TMEM132D: variants seen among roughly 807,000 people sequenced by gnomAD.
The protein encoded by TMEM132D is mature OL transmembrane protein.
TMEM132D carries 21 observed loss-of-function variants against 62.3 expected under a neutral mutation model. That is an observed-to-expected ratio of 0.34 (90% confidence interval 0.24 to 0.49). The LOEUF is 0.49. TMEM132D is among the 20% of genes least tolerant of loss of function. The pLI, the probability that TMEM132D is intolerant of heterozygous loss-of-function variation, is 0.99. For missense variants in TMEM132D, 1,346 were observed against 1,402.8 expected, an observed-to-expected ratio of 0.96 and a Z score of 0.65; for synonymous variants, 621 against 575.6, an observed-to-expected ratio of 1.08 and a Z score of -1.13.
intron 5 of TMEM132D, among the ~76,000 whole-genome samples, chr12:129,190,482 A>G (rs1593290737): frequency 3.5e-5 from 1 of 28,912 alleles, no homozygotes; most frequent in Non-Finnish European, 6.9e-5. Context: ...AGGGAGTCTC[A>G]GGCCTGCAGA....
At chr12:129,248,996 G>T (rs990815822) in intron 4 of TMEM132D, among the ~76,000 whole-genome samples, 10 of 152,028 alleles carry the variant, frequency 6.6e-5, no homozygotes, top group African/African-American at 2.4e-4. Flanking sequence ...CAACACCAAA[G>T]ACATGGAATC....
intron 2 of TMEM132D, among the ~76,000 whole-genome samples, chr12:129,596,957 A>C (rs1878354397): frequency 1.3e-5 from 2 of 152,168 alleles, no homozygotes; most frequent in South Asian, 4.1e-4. Flanking sequence ...TGAAGAGAAC[A>C]CTTCAACCAA....
At chr12:129,743,236 A>G (rs572253823) in intron 1 of TMEM132D, among the ~76,000 whole-genome samples, 62 of 152,252 alleles carry the variant, frequency 4.1e-4, no homozygotes, top group African/African-American at 1.4e-3. Flanking sequence ...TACTTCCCTG[A>G]TATATTTGGC....
intron 3 of TMEM132D, among the ~76,000 whole-genome samples, chr12:129,508,709 C>G (rs2137072434): frequency 1.3e-5 from 2 of 151,774 alleles, no homozygotes; most frequent in African/African-American, 4.8e-5. Flanking sequence ...AAATGTATCC[C>G]CCAAAATACA....
At chr12:129,401,641 G>T (rs1484632819) in intron 3 of TMEM132D, among the ~76,000 whole-genome samples, 1 of 152,156 alleles carries the variant, frequency 6.6e-6, no homozygotes, top group African/African-American at 2.4e-5. Context: ...CCCTAACCGT[G>T]TGAGGCAGGT....
At chr12:129,739,284 A>G (rs1869524677) in intron 1 of TMEM132D, among the ~76,000 whole-genome samples, 1 of 152,146 alleles carries the variant, frequency 6.6e-6, no homozygotes, top group African/African-American at 2.4e-5. Flanking sequence ...ACGCTCAGGG[A>G]AACAGGTGTG....
chr12:129,658,205 TA>T (rs1320050413), intron 2 of TMEM132D, among the ~76,000 whole-genome samples: 1 of 152,214 alleles, frequency 6.6e-6, no homozygotes, highest in Admixed American at 6.5e-5. Flanking sequence ...GCAGCATCAG[TA>T]ATCCAGTAAA....
chr12:129,596,857 T>G lies in TMEM132D; in HGVS notation c.969-65652A>C, dbSNP rs372783019. On this transcript the variant is annotated intron_variant, in intron 2 of 8. Coordinates refer to ENST00000422113, the MANE Select transcript of TMEM132D (RefSeq NM_133448.3). ...GCCCTTCTAAATATAGGACCCAGTC[T>G]GAACTCGGTAGGAAATTCTGTGATT... Among the ~76,000 whole-genome samples, 246 of 152,166 alleles carry G rather than the reference T, an allele frequency of 1.6e-3. 2 individuals carry two copies. The highest frequency in any genetic ancestry group is 5.6e-3 in the African/African-American group (234 of 41,518).
intron 2 of TMEM132D, among the ~76,000 whole-genome samples, chr12:129,574,608 GA>G (rs2137121810): frequency 6.6e-6 from 1 of 151,954 alleles, no homozygotes; most frequent in East Asian, 1.9e-4. Context: ...GAGATGTTAT[GA>G]ATGCCCTTCT....
intron 3 of TMEM132D, among the ~76,000 whole-genome samples, chr12:129,340,412 C>G (rs1869432968): frequency 6.6e-6 from 1 of 152,080 alleles, no homozygotes; most frequent in Non-Finnish European, 1.5e-5. Flanking sequence ...CACCTATTAA[C>G]TCGTCATTTA....
chr12:129,124,798 T>A (rs1366578154), intron 5 of TMEM132D, among the ~76,000 whole-genome samples: 1 of 152,136 alleles, frequency 6.6e-6, no homozygotes, highest in Non-Finnish European at 1.5e-5. Flanking sequence ...TTTTGGTGAG[T>A]ATATGCCCTC....
chr12:129,318,903 G>T (rs1868578815), intron 4 of TMEM132D, among the ~76,000 whole-genome samples: 1 of 152,090 alleles, frequency 6.6e-6, no homozygotes, highest in Non-Finnish European at 1.5e-5. Context: ...AGGAAAGTGG[G>T]GGAAAGCTGG....
chr12:129,539,142 T>C (rs1233576074), intron 2 of TMEM132D, among the ~76,000 whole-genome samples: 2 of 152,092 alleles, frequency 1.3e-5, no homozygotes, highest in African/African-American at 4.8e-5. Flanking sequence ...GAATGATTCA[T>C]GTCCCAGGAA....
intron 5 of TMEM132D, among the ~76,000 whole-genome samples, chr12:129,183,932 C>G (rs1032076764): frequency 3.3e-5 from 5 of 152,224 alleles, no homozygotes; most frequent in Admixed American, 6.5e-5. Flanking sequence ...CAACCACTCA[C>G]TGTTGTCTCC....
chr12:129,611,339 T>G (rs1186439453), intron 2 of TMEM132D, among the ~76,000 whole-genome samples: 1 of 152,236 alleles, frequency 6.6e-6, no homozygotes, highest in Non-Finnish European at 1.5e-5. Context: ...ACCCTCAGTT[T>G]GCATGCGGAT....
chr12:129,843,680 G>A (rs1486145554), intron 1 of TMEM132D, among the ~76,000 whole-genome samples: 1 of 152,120 alleles, frequency 6.6e-6, no homozygotes, highest in Non-Finnish European at 1.5e-5. Flanking sequence ...CATCACATTT[G>A]TAACAACAAC....
chr12:129,829,494 C>T (rs761807439), intron 1 of TMEM132D, among the ~76,000 whole-genome samples: 7 of 152,124 alleles, frequency 4.6e-5, no homozygotes, highest in Non-Finnish European at 8.8e-5. Context: ...AGGAATGAGA[C>T]TAAAGCTTGC....
chr12:129,300,875 C>T (rs894740268), intron 4 of TMEM132D, among the ~76,000 whole-genome samples: 13 of 152,132 alleles, frequency 8.5e-5, no homozygotes, highest in African/African-American at 3.1e-4. Flanking sequence ...GCTCGTGACC[C>T]GTTCATTTCA....
chr12:129,744,949 G>C (rs2137262115), intron 1 of TMEM132D, among the ~76,000 whole-genome samples: 1 of 152,182 alleles, frequency 6.6e-6, no homozygotes, highest in East Asian at 1.9e-4. Context: ...TTGGATCATG[G>C]GGCGGTTTCC....
Sources: gnomAD v4.1 joint callset for allele counts (sites outside exome capture counted in the v4.1 genomes callset) on GRCh38, gnomAD v4.1.1 for gene constraint, MANE v1.5 for transcripts, NCBI Gene and HGNC (gene_info 2026-07-23, HGNC 2026-07-21) for gene names.